Variants in NUP54 observed in about 807,000 individuals in gnomAD.
NUP54 encodes the protein nucleoporin p54.
A neutral mutation model predicts 66.4 loss-of-function variants in NUP54; 27 were observed. That is an observed-to-expected ratio of 0.41 (90% CI 0.30 to 0.56). The LOEUF (loss-of-function observed/expected upper bound fraction) is 0.56, where lower values mean the gene tolerates loss of function less well. Among genes scored for constraint, NUP54 ranks in the 20% least tolerant of loss-of-function variants. The pLI, the probability that NUP54 is intolerant of heterozygous loss-of-function variation, is 0.34. For synonymous variants in NUP54, 206 were observed against 210.7 expected, an observed-to-expected ratio of 0.98 and a Z score of 0.19; for missense variants, 486 against 596.3, an observed-to-expected ratio of 0.82 and a Z score of 1.93.
At chr4:76,140,267 GATTTT>G (rs1180237770) in intron 3 of NUP54, among the ~76,000 whole-genome samples, 3 of 150,144 alleles carry the variant, frequency 2.0e-5, no homozygotes, top group African/African-American at 7.3e-5. Flanking sequence ...TGCAATAAGG[GATTTT>G]ATTTTCTCTT....
At chr4:76,123,200 G>C (rs995007675) in intron 9 of NUP54, among the ~76,000 whole-genome samples, 9 of 152,174 alleles carry the variant, frequency 5.9e-5, no homozygotes, top group African/African-American at 2.2e-4. Flanking sequence ...TGAGTAAATA[G>C]TATGGTATGC....
chr4:76,134,732 A>T (rs1288550329), intron 4 of NUP54, among the ~76,000 whole-genome samples: 1 of 111,464 alleles, frequency 9.0e-6, no homozygotes, highest in African/African-American at 3.9e-5. Flanking sequence ...TTCACTATAC[A>T]GATTCTCAAC....
At chr4:76,119,910 A>T (rs60160936) in intron 9 of NUP54, among the ~76,000 whole-genome samples, 19,995 of 152,080 alleles carry the variant, frequency 0.13, 1,544 homozygotes, top group East Asian at 0.35. Flanking sequence ...GGATTATATA[A>T]AATTAACAAA....
chr4:76,144,036 G>T, intron 3 of NUP54, 113 bp downstream of exon 3: 1 of 1,074,384 alleles, frequency 9.3e-7, no homozygotes, highest in Non-Finnish European at 1.4e-6. Context: ...CTAATCCTTT[G>T]GAATATATTA....
chr4:76,148,306 A>G lies in NUP54; in HGVS notation c.67+2T>C. ...GGGTGAAGGTCTAGGGGGATCACTC[A>G]CCCGCGGGGGCCGCGGTGGCTGCAG... On this transcript the variant is annotated splice_donor_variant, in intron 1 of 11. Transcript: ENST00000264883. LOFTEE classifies it high-confidence loss of function. The G allele has an allele frequency of 2.0e-6, 3 of 1,495,770 alleles. No individual in the cohort carries two copies. The highest frequency in any genetic ancestry group is 2.7e-6 in the Non-Finnish European group (3 of 1,119,910). The allele number at this position is 1,495,770 out of a possible 1,614,324, so 92.7% of individuals were successfully genotyped here. A position where few individuals can be genotyped will look rare whatever the true frequency, so the allele number is the denominator to read the frequency against.
At chr4:76,146,423 T>C (rs1731502758) in intron 1 of NUP54, among the ~76,000 whole-genome samples, 1 of 152,254 alleles carries the variant, frequency 6.6e-6, no homozygotes, top group African/African-American at 2.4e-5. Context: ...CAGTGATATG[T>C]GATTACTTCG....
rs1424242599 is a variant in NUP54 at position 76,147,978 on chromosome 4, G to A, written c.67+330C>T. ...CCATCCAGGAGGCTGAGGTGCAGAG[G>A]GGAGGGAGGTTCTCGGGCAAGGGGA... On this transcript the variant is annotated intron_variant, in intron 1 of 11. Coordinates refer to ENST00000264883, the MANE Select transcript of NUP54 (RefSeq NM_017426.4). 2.1e-5 allele frequency: 7 copies of A among 340,876 alleles called. No individual in the cohort carries two copies. The South Asian group carries it at 2.3e-4, about 11-fold the overall frequency. The allele number at this position is 340,876 out of a possible 1,614,324, so 21.1% of individuals were successfully genotyped here.
rs1339561235 is a variant in NUP54 at position 76,130,701 on chromosome 4, C to A, written c.1011G>T (p.Leu337=). 1 of 1,613,714 alleles carries A rather than the reference C, an allele frequency of 6.2e-7. No individual in the cohort carries two copies. The highest frequency in any genetic ancestry group is 1.3e-5 in the African/African-American group (1 of 74,938). Residue 337 remains leucine (L), a synonymous_variant, in exon 8 of 12, where the codon CTG becomes CTT. Transcript: ENST00000264883. ...MVGFKELLRR[L]KVQDQMTKQH... ...GCTTAGTCATCTGATCTTGAACCTT[C>A]AGTCTTCGGAGAAGTTCCTTAAAAC...
intron 9 of NUP54, among the ~76,000 whole-genome samples, chr4:76,122,646 G>A (rs915604130): frequency 3.3e-5 from 5 of 152,220 alleles, no homozygotes; most frequent in South Asian, 2.1e-4. Context: ...AACAGTTTAC[G>A]TAGTTCCTCA....
In NUP54 at chr4:76,117,888, T is replaced by C. The variant is rs868192392; in HGVS notation, c.1285-114A>G. On this transcript the variant is annotated intron_variant, in intron 10 of 11. Transcript: ENST00000264883. ...TCTATTAAAAATTTCTATTTCTCTC[T>C]CTGTACATTATATTCGAAACACTAA... 4 of 1,012,302 alleles carry C rather than the reference T, an allele frequency of 4.0e-6. No homozygotes were observed. The Middle Eastern group carries it at 6.4e-4, about 162-fold the overall frequency. 62.7% of individuals were successfully genotyped at this position (1,012,302 alleles called of 1,614,324 possible). A position where few individuals can be genotyped will look rare whatever the true frequency, so the allele number is the denominator to read the frequency against.
At chr4:76,117,883 C>A (rs1480247260) in intron 10 of NUP54, 109 bp from the exon 11 acceptor site, 2 of 1,038,578 alleles carry the variant, frequency 1.9e-6, no homozygotes, top group East Asian at 4.8e-5. Context: ...ATTTCTATTT[C>A]TCTCTCTGTA....
At chr4:76,118,223 C>T (rs772912490) in intron 9 of NUP54, 29 bp from the exon 10 acceptor site, 1 of 1,600,860 alleles carries the variant, frequency 6.2e-7, no homozygotes, top group South Asian at 1.1e-5. Flanking sequence ...CCAATAACAA[C>T]AGAATCATCT....
At chr4:76,138,159 A>G (rs1731116793) in intron 3 of NUP54, among the ~76,000 whole-genome samples, 1 of 152,104 alleles carries the variant, frequency 6.6e-6, no homozygotes, top group African/African-American at 2.4e-5. Context: ...ATATATAAAC[A>G]TTGGCAAGAA....
At chr4:76,131,311 T>A in intron 6 of NUP54, 27 bp from the exon 7 acceptor site, 1 of 1,443,746 alleles carries the variant, frequency 6.9e-7, no homozygotes, top group Non-Finnish European at 9.6e-7. Context: ...ATATTTTTTC[T>A]AAAACAATTT....
chr4:76,130,432 C>T (rs1383613987), intron 8 of NUP54, among the ~76,000 whole-genome samples: 1 of 152,032 alleles, frequency 6.6e-6, no homozygotes, highest in Non-Finnish European at 1.5e-5. Context: ...CTAATTAATC[C>T]ACTAAGACAA....
chr4:76,125,804 AG>A (rs1730502411), intron 8 of NUP54, among the ~76,000 whole-genome samples: 1 of 45,566 alleles, frequency 2.2e-5, no homozygotes, highest in Non-Finnish European at 3.8e-5. Flanking sequence ...GGAGAGGGAG[AG>A]AGAGGGAGAA....
intron 3 of NUP54, among the ~76,000 whole-genome samples, chr4:76,137,612 C>G (rs1247569042): frequency 4.6e-5 from 7 of 151,416 alleles, no homozygotes; most frequent in African/African-American, 1.7e-4. Flanking sequence ...TAGGCTAAAA[C>G]TTTAGATGGC....
chr4:76,126,351 T>A (rs11727718), intron 8 of NUP54, among the ~76,000 whole-genome samples: 20,009 of 152,184 alleles, frequency 0.13, 1,541 homozygotes, highest in East Asian at 0.35. Context: ...GGCTTACATT[T>A]ACATGTTACA....
chr4:76,117,452 GATC>G (rs763196401), intron 11 of NUP54, among the ~76,000 whole-genome samples: 2 of 152,106 alleles, frequency 1.3e-5, no homozygotes, highest in African/African-American at 2.4e-5. Flanking sequence ...AGACCTGCTA[GATC>G]ATATCGTAAT....
Sources: gnomAD v4.1 joint callset for allele counts (sites outside exome capture counted in the v4.1 genomes callset) on GRCh38, gnomAD v4.1.1 for gene constraint, MANE v1.5 for transcripts, NCBI Gene and HGNC (gene_info 2026-07-23, HGNC 2026-07-21) for gene names.